The following NOTCH1 variants were observed in gnomAD, a reference collection of about 807,000 sequenced individuals.
The protein encoded by NOTCH1 is notch receptor 1.
A neutral mutation model predicts 254.8 loss-of-function variants in NOTCH1; 37 were observed. The ratio of observed to expected loss-of-function variants is 0.15; its 90% CI spans 0.11 to 0.19. NOTCH1 has a LOEUF of 0.19. Ranked by LOEUF, NOTCH1 falls within the 10% of genes least tolerant of loss-of-function variation. The pLI is 1.00. For missense variants in NOTCH1, 2,972 were observed against 3,708.6 expected, an observed-to-expected ratio of 0.80 and a Z score of 5.16; for synonymous variants, 1,731 against 1,618.1, an observed-to-expected ratio of 1.07 and a Z score of -1.68.
chr9:136,531,439 C>A (rs1441961437), intron 2 of NOTCH1, among the ~76,000 whole-genome samples: 1 of 152,188 alleles, frequency 6.6e-6, no homozygotes, highest in African/African-American at 2.4e-5. Context: ...AGGCGCGTGT[C>A]CCCCGCACCC....
At chr9:136,539,841 C>CCCGTCCCTCCCCAGCCTCCCAGG (rs1343301397) in intron 2 of NOTCH1, among the ~76,000 whole-genome samples, 1 of 152,142 alleles carries the variant, frequency 6.6e-6, no homozygotes, top group African/African-American at 2.4e-5. Context: ...CAGGAGCTAC[C>CCCGTCCCTCCCCAGCCTCCCAGG]CCGTCCCTCC....
intron 2 of NOTCH1, among the ~76,000 whole-genome samples, chr9:136,538,084 A>T (rs970308194): frequency 3.3e-5 from 5 of 152,182 alleles, no homozygotes; most frequent in Non-Finnish European, 2.9e-5. Context: ...CATCTCAAAA[A>T]ACAAACAAAA....
chr9:136,497,470 G>A lies in NOTCH1; in HGVS notation c.6269C>T (p.Thr2090Met), dbSNP rs1215473021. The A allele has an allele frequency of 1.9e-6, 3 of 1,612,332 alleles. No homozygotes were observed. Among genetic ancestry groups the A allele is most frequent in the Non-Finnish European group, 2.5e-6 (3 of 1,179,908 alleles). Residue 2090 changes from threonine to methionine, a missense_variant, in exon 34 of 34, where the codon ACG (threonine) becomes ATG (methionine). Physicochemically the swap from Thr to Met is moderately conservative, Grantham distance 81 (BLOSUM62 -1). Around this residue, in one of 8 missense-constraint regions of NOTCH1, gnomAD observed 529 missense variants for 529.2 expected, o/e 1.00. Coordinates refer to ENST00000651671, the MANE Select transcript of NOTCH1 (RefSeq NM_017617.5). The part of the protein sequence containing the change: ...LLDHFANRDI[T>M]DHMDRLPRDI... ...GCGCGGCAGGCGGTCCATATGATCC[G>A]TGATGTCCCGGTTGGCAAAGTGGTC...
chr9:136,515,431 C>G (rs1843249112), intron 11 of NOTCH1, 31 bp from the exon 12 acceptor site: 1 of 1,612,328 alleles, frequency 6.2e-7, no homozygotes. Context: ...GGTCAGTCCT[C>G]AGGCCCGCCC....
At chr9:136,517,501 C>T (rs182502248) in intron 8 of NOTCH1, 116 bp from the exon 9 acceptor site, 56 of 865,400 alleles carry the variant, frequency 6.5e-5, no homozygotes, top group Middle Eastern at 5.0e-4. Flanking sequence ...CCAGCCACCA[C>T]GGGCCCCCTG....
chr9:136,517,431 C>T (rs993175153), intron 8 of NOTCH1, 46 bp from the exon 9 acceptor site: 29 of 1,258,150 alleles, frequency 2.3e-5, no homozygotes, highest in Non-Finnish European at 3.3e-5. Context: ...GGCCCCAGTG[C>T]CCCACTGGGC....
At chr9:136,500,121 T>A (rs4880054) in intron 31 of NOTCH1, among the ~76,000 whole-genome samples, 181 of 152,158 alleles carry the variant, frequency 1.2e-3, no homozygotes, top group African/African-American at 3.7e-3. Context: ...AGCTGAGCCC[T>A]AGGTCTGCAG....
At position 136,497,176 on chromosome 9, in the gene NOTCH1, C is replaced by A. The variant is rs1321766637; in HGVS notation, c.6563G>T (p.Gly2188Val). The change falls in exon 34 of 34, where the codon GGC becomes GTC. Residue 2188 changes from glycine (G) to valine (V), a missense_variant. Gly to Val is a moderately radical substitution (Grantham distance 109). Coordinates refer to ENST00000651671, the MANE Select transcript of NOTCH1 (RefSeq NM_017617.5). ...CATGCCGGAGCTGTCCAGCAGGCAG[C>A]CCTTGCCGTCCTGGGACTTCTTCCT... ...ARRKKSQDGK[G>V]CLLDSSGMLS... The A allele has an allele frequency of 1.2e-6, 2 of 1,612,784 alleles. No homozygotes were observed. Among genetic ancestry groups the A allele is most frequent in the Admixed American group, 3.3e-5 (2 of 60,032 alleles).
At chr9:136,502,930 G>A in intron 27 of NOTCH1, 1 of 685,786 alleles carries the variant, frequency 1.5e-6, no homozygotes, top group Non-Finnish European at 2.7e-6. Flanking sequence ...CAGGAGGAAA[G>A]GGTGGGGAGA....
intron 31 of NOTCH1, 86 bp from the exon 32 acceptor site, chr9:136,499,345 C>T (rs1274021496): frequency 4.5e-6 from 7 of 1,546,108 alleles, no homozygotes; most frequent in Admixed American, 1.8e-5. Context: ...GACGGGAAGC[C>T]CCACTGTCTT....
intron 2 of NOTCH1, chr9:136,543,225 C>T (rs1843757918): frequency 5.6e-6 from 1 of 178,660 alleles, no homozygotes; most frequent in Non-Finnish European, 1.2e-5. Flanking sequence ...AGAGGCATCA[C>T]CCACCCGGAG....
chr9:136,523,708 C>T lies in NOTCH1; in HGVS notation c.403+9G>A. The stretch of plus-strand genomic sequence containing the variant: ...CTGCCCACCCCTCAGGCTGTGGGTC[C>T]TCCCTCACCTGACCAGCCGGGCGGG... On this transcript the variant is annotated intron_variant, in intron 3 of 33. Transcript: ENST00000651671. 1 of 1,596,802 alleles carries T rather than the reference C, an allele frequency of 6.3e-7. No homozygotes were observed. Among genetic ancestry groups the T allele is most frequent in the Non-Finnish European group, 8.5e-7 (1 of 1,173,692 alleles).
chr9:136,496,732 C>T lies in NOTCH1; in HGVS notation c.7007G>A (p.Ser2336Asn), dbSNP rs1363351087. The change falls in exon 34 of 34, where the codon AGC (serine) becomes AAC (asparagine). Residue 2336 changes from serine (S) to asparagine (N), a missense_variant. Transcript: ENST00000651671. ...ATGCTGCAGGGAGGGGGCCTGTGTGCTCAGGGGGCCTGGTGCCACACTCCC... is the reference window on the plus strand; with the variant it reads ...ATGCTGCAGGGAGGGGGCCTGTGTGTTCAGGGGGCCTGGTGCCACACTCCC... ...LRGSVAPGPL[S>N]TQAPSLQHGM... is the part of the protein sequence containing the mutation. 2.5e-6 allele frequency: 4 copies of T among 1,612,692 alleles called. No individual in the cohort carries two copies. Among genetic ancestry groups the T allele is most frequent in the African/African-American group, 2.7e-5 (2 of 74,926 alleles).
At chr9:136,526,234 AGGCTG>A (rs926922849) in intron 2 of NOTCH1, among the ~76,000 whole-genome samples, 1 of 152,248 alleles carries the variant, frequency 6.6e-6, no homozygotes, top group Non-Finnish European at 1.5e-5. Flanking sequence ...TGGAGTGCAC[AGGCTG>A]GGCTGGGCTG....
rs2133326718 is a variant in NOTCH1 at position 136,500,814 on chromosome 9, C to T, written c.5672G>A (p.Ser1891Asn). The change falls in exon 31 of 34, where the codon AGC becomes AAC. Residue 1891 changes from serine to asparagine, a missense_variant. Transcript: ENST00000651671. ...GTTGCCCGTCTCCAGGCCGCCCCCG[C>T]TGCAGGAGGCGATCATGAGCGGGGT... Reference protein sequence around the residue: ...GFTPLMIASCSGGGLETGNSE... With the variant: ...GFTPLMIASCNGGGLETGNSE... 4 of 1,598,552 alleles carry T rather than the reference C, an allele frequency of 2.5e-6. No homozygotes were observed. The highest frequency in any genetic ancestry group is 3.4e-6 in the Non-Finnish European group (4 of 1,179,430).
At chr9:136,507,851 G>T in intron 21 of NOTCH1, 104 bp downstream of exon 21, 1 of 1,172,692 alleles carries the variant, frequency 8.5e-7, no homozygotes, top group Non-Finnish European at 1.3e-6. Context: ...CAGTGCATGG[G>T]CCTATCAGGT....
intron 7 of NOTCH1, 63 bp from the exon 8 acceptor site, chr9:136,518,000 C>T (rs1326843824): frequency 9.4e-6 from 15 of 1,589,884 alleles, no homozygotes; most frequent in Non-Finnish European, 1.2e-5. Context: ...CACCTCACTG[C>T]ACACCACCCC....
rs375190395 is a variant in NOTCH1 at position 136,507,962 on chromosome 9, G to T, written c.3503C>A (p.Ser1168Tyr). The T allele has an allele frequency of 6.2e-7, 1 of 1,612,558 alleles. No individual in the cohort carries two copies. The highest frequency in any genetic ancestry group is 1.1e-5 in the South Asian group (1 of 91,086). ...ATCTDYLGGY[S>Y]CKCVAGYHGV... ...CCTAGGAGGGACCCCCACCTTGCAGGAGTAGCCGCCCAGGTAGTCCGTGCA... is the reference window on the plus strand; with the variant it reads ...CCTAGGAGGGACCCCCACCTTGCAGTAGTAGCCGCCCAGGTAGTCCGTGCA... Residue 1168 changes from serine to tyrosine, a missense_variant, in exon 21 of 34, where the codon TCC becomes TAC. By Grantham distance (144) the Ser-to-Tyr change is moderately radical. Around this residue, in one of 8 missense-constraint regions of NOTCH1, gnomAD observed 1,343 missense variants for 1,557.0 expected, o/e 0.86. Transcript: ENST00000651671.
At chr9:136,536,647 G>A (rs1018431770) in intron 2 of NOTCH1, among the ~76,000 whole-genome samples, 12 of 152,356 alleles carry the variant, frequency 7.9e-5, no homozygotes, top group South Asian at 2.1e-4. Flanking sequence ...AAGCTGCTCC[G>A]TGGTGGGCCT....
Sources: allele counts gnomAD v4.1 joint callset (sites outside exome capture counted in the v4.1 genomes callset), GRCh38; gene constraint gnomAD v4.1.1; regional missense constraint gnomAD v4.1.1; transcripts MANE v1.5; gene names NCBI Gene and HGNC (gene_info 2026-07-23, HGNC 2026-07-21).